Variants in PKHD1 observed in about 807,000 individuals in gnomAD.
PKHD1 encodes fibrocystin.
A neutral mutation model predicts 412.0 loss-of-function variants in PKHD1; 291 were observed. The ratio of observed to expected loss-of-function variants is 0.71; its 90% CI spans 0.64 to 0.78. The LOEUF (loss-of-function observed/expected upper bound fraction) is 0.78. PKHD1 is among the 30% of genes least tolerant of loss of function. The pLI is 0.00. For missense variants in PKHD1, 4,825 were observed against 4,950.7 expected (o/e 0.97, Z 0.76); for synonymous variants, 1,777 against 1,821.5 (o/e 0.98, Z 0.62).
chr6:51,684,679 G>A (rs905346011), intron 60 of PKHD1, among the ~76,000 whole-genome samples: 6 of 152,090 alleles, frequency 3.9e-5, no homozygotes, highest in Non-Finnish European at 5.9e-5. Flanking sequence ...AACTGATTTA[G>A]AAGATTTTAG....
At chr6:51,710,048 A>C (rs1470639618) in intron 60 of PKHD1, among the ~76,000 whole-genome samples, 1 of 151,918 alleles carries the variant, frequency 6.6e-6, no homozygotes, top group Non-Finnish European at 1.5e-5. Context: ...ATCTGTACTA[A>C]AAATACAAAA....
intron 60 of PKHD1, among the ~76,000 whole-genome samples, chr6:51,671,701 G>A (rs1301953575): frequency 2.0e-5 from 3 of 152,154 alleles, no homozygotes; most frequent in African/African-American, 7.2e-5. Context: ...GGTCTTTGAT[G>A]ATGGTGATGT....
At chr6:51,812,202 C>T (rs1487969934) in intron 52 of PKHD1, among the ~76,000 whole-genome samples, 2 of 152,026 alleles carry the variant, frequency 1.3e-5, no homozygotes, top group Non-Finnish European at 2.9e-5. Flanking sequence ...CCACAGACAC[C>T]CTATTAGAGT....
At position 51,871,460 on chromosome 6, in the gene PKHD1, G is replaced by A; in HGVS notation, c.7351-821C>T. 1.7e-5 allele frequency among the ~76,000 whole-genome samples: 2 copies of A among 118,198 alleles called. 1 individual carries two copies. The allele number at this position is 118,198 out of a possible 152,430, so 77.5% of individuals were successfully genotyped here. On this transcript the variant is annotated intron_variant, in intron 46 of 66. Coordinates refer to ENST00000371117, the MANE Select transcript of PKHD1 (RefSeq NM_138694.4). ...ACTATATGACTCCATTTATATGACT[G>A]TTGAAAAGGCAAAACTATAGTGACA...
Position 51,870,641 on chromosome 6 carries a change from T to A in PKHD1, c.7351-2A>T. On this transcript the variant is annotated splice_acceptor_variant, in intron 46 of 66. Coordinates refer to ENST00000371117, the MANE Select transcript of PKHD1 (RefSeq NM_138694.4). LOFTEE classifies it high-confidence loss of function. Reference sequence around the variant, plus strand: ...CCCAGATGACATACACAGACTTCCCTGTGATTTAAAAGAAAAAAAGATGAA... The same window carrying A: ...CCCAGATGACATACACAGACTTCCCAGTGATTTAAAAGAAAAAAAGATGAA... 6.2e-7 allele frequency: 1 copy of A among 1,607,678 alleles called. No individual in the cohort carries two copies. The highest frequency in any genetic ancestry group is 1.7e-5 in the Admixed American group (1 of 59,934).
intron 33 of PKHD1, 140 bp from the exon 34 acceptor site, chr6:52,017,769 G>A (rs1024289641): frequency 7.2e-6 from 5 of 692,176 alleles, no homozygotes; most frequent in Non-Finnish European, 1.0e-5. Flanking sequence ...AAAATGTATT[G>A]TATATGTGTA....
At chr6:52,028,376 C>T (rs758052108) in intron 29 of PKHD1, 25 bp from the exon 30 acceptor site, 6 of 1,607,236 alleles carry the variant, frequency 3.7e-6, no homozygotes, top group South Asian at 1.1e-5. Flanking sequence ...ATCCAATAGC[C>T]TCTGACATGT....
intron 60 of PKHD1, among the ~76,000 whole-genome samples, chr6:51,722,887 GC>G (rs1265591113): frequency 6.6e-6 from 1 of 152,108 alleles, no homozygotes; most frequent in African/African-American, 2.4e-5. Context: ...CAGGACCTCT[GC>G]AAAGTCTCCT....
rs2784200 is a variant in PKHD1 at position 51,616,873 on chromosome 6, T to C, written c.*2208A>G. ...AACAGAGCTGGCAGCTAACTCTTTG[T>C]GAAGGGCGAAATAGAATGAAGAGTC... is the stretch of plus-strand genomic sequence containing the variant. On this transcript the variant is annotated 3_prime_UTR_variant, in exon 67 of 67. Transcript: ENST00000371117. The C allele has an allele frequency of 0.11, 44,093 of 389,802 alleles. 2,698 individuals are homozygous for C. Among genetic ancestry groups the C allele is most frequent in the African/African-American group, 0.18 (8,759 of 48,440 alleles). The allele number at this position is 389,802 out of a possible 1,614,324, so 24.1% of individuals were successfully genotyped here. A position where few individuals can be genotyped will look rare whatever the true frequency, so the allele number is the denominator to read the frequency against.
intron 22 of PKHD1, among the ~76,000 whole-genome samples, chr6:52,049,707 T>C (rs1292445142): frequency 6.6e-6 from 1 of 152,164 alleles, no homozygotes; most frequent in Non-Finnish European, 1.5e-5. Flanking sequence ...TTCTTAGAAA[T>C]AGCTATTTTT....
At position 51,802,369 on chromosome 6, in the gene PKHD1, A is replaced by T. The variant is rs1763063727; in HGVS notation, c.8303-10996T>A. Reference sequence around the variant, plus strand: ...ACTACAGTTTGGCTTTATCCACATAATTCTATTACCTGTATACATTGTTAA... The same window carrying T: ...ACTACAGTTTGGCTTTATCCACATATTTCTATTACCTGTATACATTGTTAA... On this transcript the variant is annotated intron_variant, in intron 52 of 66. Coordinates refer to ENST00000371117, the MANE Select transcript of PKHD1 (RefSeq NM_138694.4). Among the ~76,000 whole-genome samples the T allele has an allele frequency of 2.0e-5, 3 of 151,734 alleles. No homozygotes were observed. The South Asian group carries it at 6.2e-4, about 31-fold the overall frequency.
chr6:51,619,988 T>C (rs1456467370), intron 66 of PKHD1, among the ~76,000 whole-genome samples: 1 of 152,176 alleles, frequency 6.6e-6, no homozygotes, highest in Non-Finnish European at 1.5e-5. Context: ...ATATAAATAT[T>C]TGCAGAAATA....
At chr6:51,623,624 C>T (rs1766894013) in intron 66 of PKHD1, among the ~76,000 whole-genome samples, 1 of 152,002 alleles carries the variant, frequency 6.6e-6, no homozygotes, top group African/African-American at 2.4e-5. Context: ...CGCTCTGTCA[C>T]CCAGGCTGGA....
chr6:51,981,104 C>G (rs866236144), intron 35 of PKHD1, among the ~76,000 whole-genome samples: 9 of 151,954 alleles, frequency 5.9e-5, no homozygotes, highest in Middle Eastern at 3.4e-3. Flanking sequence ...CACATGCCTG[C>G]CTCTAAAAAG....
intron 37 of PKHD1, among the ~76,000 whole-genome samples, chr6:51,925,606 G>A (rs1785454593): frequency 6.6e-6 from 1 of 152,142 alleles, no homozygotes; most frequent in Non-Finnish European, 1.5e-5. Flanking sequence ...TGAGTATGAA[G>A]TAACTTGAAC....
intron 60 of PKHD1, among the ~76,000 whole-genome samples, chr6:51,703,990 A>AGG (rs1198814466): frequency 4.6e-5 from 7 of 152,028 alleles, no homozygotes; most frequent in Non-Finnish European, 8.8e-5. Context: ...TATTTCCAAA[A>AGG]GTCTGTTGCT....
chr6:52,035,052 C>T (rs1803721011), intron 28 of PKHD1, among the ~76,000 whole-genome samples: 1 of 152,078 alleles, frequency 6.6e-6, no homozygotes, highest in African/African-American at 2.4e-5. Flanking sequence ...CTTAATAGGC[C>T]ATGATATAGC....
intron 34 of PKHD1, among the ~76,000 whole-genome samples, chr6:52,012,589 A>G (rs949700334): frequency 1.8e-4 from 27 of 152,244 alleles, no homozygotes; most frequent in African/African-American, 6.5e-4. Flanking sequence ...TTAAAATGCA[A>G]TGTAATATTT....
At chr6:51,646,272 A>C (rs1239821501) in intron 63 of PKHD1, among the ~76,000 whole-genome samples, 1 of 152,174 alleles carries the variant, frequency 6.6e-6, no homozygotes, top group East Asian at 1.9e-4. Context: ...CCTACCCATA[A>C]GCAGAGGAAG....
Sources: gnomAD v4.1 joint callset for allele counts (sites outside exome capture counted in the v4.1 genomes callset) on GRCh38, gnomAD v4.1.1 for gene constraint, MANE v1.5 for transcripts, NCBI Gene and HGNC (gene_info 2026-07-23, HGNC 2026-07-21) for gene names.